AGO1: variants seen among roughly 807,000 people sequenced by gnomAD.
AGO1 encodes protein argonaute-1.
In AGO1, 11 loss-of-function variants were observed where a neutral mutation model predicts 109.2. The observed-to-expected ratio is 0.10, with a 90% CI of 0.06 to 0.17. AGO1 has a LOEUF of 0.17. Among genes scored for constraint, AGO1 ranks in the 10% least tolerant of loss-of-function variants. AGO1 has a pLI of 1.00. For missense variants in AGO1, 574 were observed against 1,140.3 expected, an observed-to-expected ratio of 0.50 and a Z score of 7.15; for synonymous variants, 422 against 418.6, an observed-to-expected ratio of 1.01 and a Z score of -0.10.
intron 8 of AGO1, among the ~76,000 whole-genome samples, chr1:35,900,771 A>T (rs574960088): frequency 3.9e-5 from 6 of 152,116 alleles, no homozygotes; most frequent in African/African-American, 9.6e-5. Flanking sequence ...TTAGCGAGGC[A>T]TGGTGGCGGG....
intron 15 of AGO1, 55 bp from the exon 16 acceptor site, chr1:35,917,538 A>T: frequency 6.4e-7 from 1 of 1,574,678 alleles, no homozygotes; most frequent in Non-Finnish European, 8.7e-7. Flanking sequence ...AGGGTATGTG[A>T]ACTCAAGAGG....
At chr1:35,874,217 AAGTGC>A (rs1017018199) in intron 1 of AGO1, among the ~76,000 whole-genome samples, 1 of 152,052 alleles carries the variant, frequency 6.6e-6, no homozygotes, top group African/African-American at 2.4e-5. Context: ...GGGGTTGCTG[AAGTGC>A]AGAGGCATGA....
chr1:35,913,782 C>G (rs1198038762), intron 12 of AGO1, 60 bp from the exon 13 acceptor site: 19 of 1,560,828 alleles, frequency 1.2e-5, no homozygotes, highest in Non-Finnish European at 1.6e-5. Context: ...TGCCTGGCAT[C>G]TAGTAGGCAT....
At chr1:35,907,232 C>T (rs1645539149) in intron 12 of AGO1, 113 bp downstream of exon 12, 2 of 1,003,096 alleles carry the variant, frequency 2.0e-6, no homozygotes, top group African/African-American at 3.3e-5. Context: ...AGAGCTGTTA[C>T]TTAATGTCAG....
At chr1:35,889,683 AG>A (rs1435176483) in intron 2 of AGO1, among the ~76,000 whole-genome samples, 2 of 151,484 alleles carry the variant, frequency 1.3e-5, no homozygotes, top group Non-Finnish European at 2.9e-5. Context: ...AAGAAAAATT[AG>A]ATTTTTCTTT....
At chr1:35,908,049 G>A (rs903136576) in intron 12 of AGO1, among the ~76,000 whole-genome samples, 1 of 152,206 alleles carries the variant, frequency 6.6e-6, no homozygotes, top group Non-Finnish European at 1.5e-5. Flanking sequence ...GAGCCCAAGA[G>A]GTTGAGGCTG....
At chr1:35,891,886 T>G (rs1401987957) in intron 2 of AGO1, among the ~76,000 whole-genome samples, 3 of 147,564 alleles carry the variant, frequency 2.0e-5, no homozygotes, top group Non-Finnish European at 3.0e-5. Context: ...TTGTTTTTTG[T>G]TTTTTTTTTG....
chr1:35,889,995 G>A (rs12041815), intron 2 of AGO1, among the ~76,000 whole-genome samples: 4 of 150,730 alleles, frequency 2.7e-5, no homozygotes, highest in East Asian at 3.9e-4. Flanking sequence ...GATTACAGGC[G>A]TGAGCCACCG....
At position 35,901,085 on chromosome 1, in the gene AGO1, A is replaced by G. The variant is rs568607505; in HGVS notation, c.1021-389A>G. On this transcript the variant is annotated intron_variant, in intron 8 of 18. Coordinates refer to ENST00000373204, the MANE Select transcript of AGO1 (RefSeq NM_012199.5). The surrounding 1 kb of genome is among the most constrained non-coding windows in gnomAD (Gnocchi z 4.8). ...CAACCTCCGCCTCCCGGTTCAAGCG[A>G]TTCTTGTTCCTCAGCCTCCTGAGTA... Among the ~76,000 whole-genome samples the G allele has an allele frequency of 6.7e-6, 1 of 149,710 alleles. No homozygotes were observed. Among genetic ancestry groups the G allele is most frequent in the South Asian group, 2.1e-4 (1 of 4,674 alleles).
chr1:35,927,785 CAG>C lies in AGO1; in HGVS notation c.*8181_*8182del, dbSNP rs1212627138. 6.6e-6 allele frequency: 1 copy of C among 152,228 alleles called. No homozygotes were observed. The highest frequency in any genetic ancestry group is 6.5e-5 in the Admixed American group (1 of 15,286). 9.4% of individuals were successfully genotyped at this position (152,228 alleles called of 1,614,324 possible). A position where few individuals can be genotyped will look rare whatever the true frequency, so the allele number is the denominator to read the frequency against. ...ACTTTTACAGATGAGAAACATGAAT[CAG>C]AGTGACTTTCCCAGGCTCACAGCAA... On this transcript the variant is annotated 3_prime_UTR_variant, in exon 19 of 19. Transcript: ENST00000373204.
exon 1 of AGO1, chr1:35,869,836 G>A (rs1470230105): frequency 6.6e-6 from 1 of 152,020 alleles, no homozygotes; most frequent in East Asian, 1.9e-4. Context: ...AGTGCGTGAG[G>A]CCCACGCAGA....
chr1:35,887,934 C>G (rs1335518082), intron 1 of AGO1, among the ~76,000 whole-genome samples: 1 of 152,210 alleles, frequency 6.6e-6, no homozygotes, highest in African/African-American at 2.4e-5. Flanking sequence ...CCTGCCCTCT[C>G]CAGCCTGGCC....
At chr1:35,902,116 G>T (rs1398977372) in intron 10 of AGO1, 46 bp downstream of exon 10, 10 of 1,584,850 alleles carry the variant, frequency 6.3e-6, no homozygotes, top group Admixed American at 1.7e-5. Flanking sequence ...ATATGGGGGT[G>T]GTTGGGTTGT....
intron 1 of AGO1, among the ~76,000 whole-genome samples, chr1:35,878,025 TG>T (rs113128579): frequency 5.9e-4 from 90 of 151,856 alleles, no homozygotes; most frequent in African/African-American, 2.1e-3. Context: ...TATGTTGATT[TG>T]GGGGGTTAAA....
intron 2 of AGO1, among the ~76,000 whole-genome samples, chr1:35,891,504 T>C (rs1014373787): frequency 3.9e-5 from 6 of 152,234 alleles, no homozygotes; most frequent in African/African-American, 1.4e-4. Context: ...TGGGATTAGA[T>C]TGGAGCAGCC....
At position 35,883,363 on chromosome 1, in the gene AGO1, G is replaced by A. The variant is rs895405324; in HGVS notation, c.-59G>A. 69 of 1,580,718 alleles carry A rather than the reference G, an allele frequency of 4.4e-5. No homozygotes were observed. In the African/African-American group the frequency reaches 5.9e-4, roughly 13 times the overall value. On this transcript the variant is annotated 5_prime_UTR_variant, in exon 1 of 19. Coordinates refer to ENST00000373204, the MANE Select transcript of AGO1 (RefSeq NM_012199.5). The surrounding 1 kb of genome is among the most constrained non-coding windows in gnomAD (Gnocchi z 5.4). ...AGCAGCGAGAGTGTGGGGTACCTAG[G>A]CCCCTCACGCTGGACTTCACAGTCT...
intron 12 of AGO1, among the ~76,000 whole-genome samples, chr1:35,912,396 C>T (rs1194210820): frequency 6.9e-6 from 1 of 144,682 alleles, no homozygotes; most frequent in African/African-American, 2.5e-5. Flanking sequence ...ATGCCTTCAA[C>T]TACTACCTGT....
chr1:35,896,359 C>T (rs1254166752), intron 8 of AGO1, among the ~76,000 whole-genome samples: 1 of 151,406 alleles, frequency 6.6e-6, no homozygotes, highest in Non-Finnish European at 1.5e-5. Context: ...AAGCACTGTA[C>T]TAGACTACCC....
intron 12 of AGO1, among the ~76,000 whole-genome samples, chr1:35,908,596 A>C (rs973140837): frequency 6.6e-6 from 1 of 152,162 alleles, no homozygotes; most frequent in African/African-American, 2.4e-5. Context: ...TGCTCTTAGA[A>C]AGTGTTTTGT....
Sources: allele counts gnomAD v4.1 joint callset (sites outside exome capture counted in the v4.1 genomes callset), GRCh38; gene constraint gnomAD v4.1.1; non-coding constraint Gnocchi (gnomAD v3.1); transcripts MANE v1.5; gene names NCBI Gene and HGNC (gene_info 2026-07-23, HGNC 2026-07-21).